Variants in LRIF1 observed in about 807,000 individuals in gnomAD.
The protein encoded by LRIF1 is ligand-dependent nuclear receptor-interacting factor 1.
A neutral mutation model predicts 52.7 loss-of-function variants in LRIF1; 32 were observed. That is an observed-to-expected ratio of 0.61 (90% confidence interval 0.46 to 0.82). LRIF1 has a LOEUF of 0.82. Ranked by LOEUF, LRIF1 falls within the 40% of genes least tolerant of loss-of-function variation. LRIF1 has a pLI of 0.00. For missense variants in LRIF1, 887 were observed against 892.0 expected, an observed-to-expected ratio of 0.99 and a Z score of 0.07; for synonymous variants, 323 against 317.4, an observed-to-expected ratio of 1.02 and a Z score of -0.19.
the LRIF1 span, among the ~76,000 whole-genome samples, chr1:110,897,072 A>G: frequency 6.6e-6 from 1 of 152,206 alleles, no homozygotes; most frequent in African/African-American, 2.4e-5. Flanking sequence ...TATAGGGTTG[A>G]GATAGAAAAG....
At chr1:110,937,101 G>C in the LRIF1 span, 1 of 152,168 alleles carries the variant, frequency 6.6e-6, no homozygotes, top group Non-Finnish European at 1.5e-5. Flanking sequence ...TAGAGCTAAG[G>C]CGAGGGATAG....
chr1:110,961,360 TA>T (rs1244661290), intron 1 of LRIF1, among the ~76,000 whole-genome samples: 5 of 152,244 alleles, frequency 3.3e-5, no homozygotes, highest in African/African-American at 4.8e-5. Flanking sequence ...GTATTGATAG[TA>T]AGTGGTAAGC....
chr1:110,891,940 G>A, the LRIF1 span, among the ~76,000 whole-genome samples: 1 of 152,232 alleles, frequency 6.6e-6, no homozygotes, highest in African/African-American at 2.4e-5. Context: ...ATTATTATAA[G>A]TTTGGCTTCT....
chr1:110,900,469 C>T, the LRIF1 span, among the ~76,000 whole-genome samples: 3 of 152,090 alleles, frequency 2.0e-5, no homozygotes, highest in Non-Finnish European at 4.4e-5. Context: ...CAAGTTCAAG[C>T]GATTCTCCTG....
rs751118502 is a variant in LRIF1 at position 110,951,847 on chromosome 1, C to T, written c.1037G>A (p.Arg346Gln). 3.1e-6 allele frequency: 5 copies of T among 1,613,036 alleles called. No homozygotes were observed. The highest frequency in any genetic ancestry group is 3.3e-5 in the Admixed American group (2 of 59,998). ...ATCTTTAATAGGCATATTTTTGGAT[C>T]GCGTCCCACTAGGATCGATGGTACT... ...PLSTIDPSGT[R>Q]SKNMPIKDNA... Residue 346 changes from arginine (R) to glutamine (Q), a missense_variant, in exon 2 of 4, where the codon CGA becomes CAA. By Grantham distance (43) the Arg-to-Gln change is conservative. Transcript: ENST00000369763.
At chr1:110,912,220 TA>T in the LRIF1 span, among the ~76,000 whole-genome samples, 2 of 151,786 alleles carry the variant, frequency 1.3e-5, no homozygotes, top group Non-Finnish European at 2.9e-5. Flanking sequence ...TTTACTTATT[TA>T]TTTTTTTTTA....
At chr1:110,903,875 C>T in the LRIF1 span, among the ~76,000 whole-genome samples, 65 of 152,188 alleles carry the variant, frequency 4.3e-4, no homozygotes, top group Non-Finnish European at 5.1e-4. Context: ...TCTGGACCTG[C>T]CCTGGGCCAG....
chr1:110,922,531 TA>T, the LRIF1 span, among the ~76,000 whole-genome samples: 879 of 151,652 alleles, frequency 5.8e-3, 12 homozygotes, highest in African/African-American at 0.02. Flanking sequence ...TAAGTAGATG[TA>T]AAAAAAAATC....
the LRIF1 span, among the ~76,000 whole-genome samples, chr1:110,921,377 C>T: frequency 6.6e-6 from 1 of 151,592 alleles, no homozygotes; most frequent in Non-Finnish European, 1.5e-5. Flanking sequence ...TCTGTTGGGA[C>T]TAATAAACAA....
the LRIF1 span, among the ~76,000 whole-genome samples, chr1:110,932,333 T>TGGAC: frequency 1.3e-5 from 2 of 152,182 alleles, no homozygotes; most frequent in South Asian, 4.1e-4. Flanking sequence ...TACTGTTCCA[T>TGGAC]TGGTCTATAT....
At chr1:110,951,264 A>G in intron 2 of LRIF1, 24 bp downstream of exon 2, 1 of 1,565,048 alleles carries the variant, frequency 6.4e-7, no homozygotes, top group Non-Finnish European at 8.6e-7. Flanking sequence ...ATATAAAAAG[A>G]GCACCCTGAC....
intron 1 of LRIF1, among the ~76,000 whole-genome samples, chr1:110,953,118 A>T: frequency 6.6e-6 from 1 of 152,102 alleles, no homozygotes; most frequent in East Asian, 1.9e-4. Flanking sequence ...CTCCTCTTAA[A>T]ATATTAGCAT....
chr1:110,950,182 T>C, intron 2 of LRIF1, 59 bp from the exon 3 acceptor site: 1 of 1,495,070 alleles, frequency 6.7e-7, no homozygotes, highest in Non-Finnish European at 9.0e-7. Flanking sequence ...GTTACTTTAT[T>C]AAGCAACTAA....
At chr1:110,899,524 C>T in the LRIF1 span, 2 of 217,050 alleles carry the variant, frequency 9.2e-6, no homozygotes, top group East Asian at 1.3e-4. Flanking sequence ...TGAATTTTTG[C>T]ATCTTCCCAT....
chr1:110,948,358 C>G lies in LRIF1; in HGVS notation c.1911G>C (p.Lys637Asn). ...TTTTTCTCTTCTTTATGTGATCCATCTTCTTATTAGTTTTTGCTTTTCTTT... is the reference window on the plus strand; with the variant it reads ...TTTTTCTCTTCTTTATGTGATCCATGTTCTTATTAGTTTTTGCTTTTCTTT... ...DKKRKAKTNK[K>N]MDHIKKRKTE... Residue 637 changes from lysine (K) to asparagine (N), a missense_variant, in exon 4 of 4, where the codon AAG (lysine) becomes AAC (asparagine). Coordinates refer to ENST00000369763, the MANE Select transcript of LRIF1 (RefSeq NM_018372.4). 1.2e-6 allele frequency: 2 copies of G among 1,613,566 alleles called. No homozygotes were observed. The highest frequency in any genetic ancestry group is 1.1e-5 in the South Asian group (1 of 91,010).
At chr1:110,926,770 T>C in the LRIF1 span, among the ~76,000 whole-genome samples, 1 of 152,154 alleles carries the variant, frequency 6.6e-6, no homozygotes, top group Non-Finnish European at 1.5e-5. Flanking sequence ...TTTGACAAGA[T>C]AATTCTAAAA....
the LRIF1 span, among the ~76,000 whole-genome samples, chr1:110,930,382 C>T: frequency 5.9e-5 from 9 of 152,124 alleles, no homozygotes; most frequent in Non-Finnish European, 1.0e-4. Flanking sequence ...TTATTTCTTA[C>T]GGTTCTGAAA....
At chr1:110,942,925 G>A (rs1294182699), downstream of LRIF1, among the ~76,000 whole-genome samples, 1 of 152,048 alleles carries the variant, frequency 6.6e-6, no homozygotes, top group Non-Finnish European at 1.5e-5. Context: ...TGATCCATGA[G>A]AACTAGGTAA....
At chr1:110,885,876 AT>A in the LRIF1 span, among the ~76,000 whole-genome samples, 12 of 152,180 alleles carry the variant, frequency 7.9e-5, no homozygotes, top group African/African-American at 2.9e-4. Flanking sequence ...AAAAATAAAA[AT>A]AAAAATGAAT....
Sources: allele counts gnomAD v4.1 joint callset (sites outside exome capture counted in the v4.1 genomes callset), GRCh38; gene constraint gnomAD v4.1.1; transcripts MANE v1.5; gene names NCBI Gene and HGNC (gene_info 2026-07-23, HGNC 2026-07-21).